The following PLCB1 variants were observed in gnomAD, a reference collection of about 807,000 sequenced individuals.
PLCB1 encodes the protein phospholipase C beta 1, also known as 1-phosphatidylinositol 4,5-bisphosphate phosphodiesterase beta-1.
In PLCB1, 46 loss-of-function variants were observed where a neutral mutation model predicts 161.8. The observed-to-expected ratio is 0.28, with a 90% confidence interval of 0.22 to 0.36. The LOEUF is 0.36. Ranked by LOEUF, PLCB1 falls within the 10% of genes least tolerant of loss-of-function variation. The pLI, the probability that PLCB1 is intolerant of heterozygous loss-of-function variation, is 1.00. For synonymous variants in PLCB1, 517 were observed against 503.7 expected (o/e 1.03, Z -0.35); for missense variants, 1,016 against 1,472.5 (o/e 0.69, Z 5.07).
intron 10 of PLCB1, among the ~76,000 whole-genome samples, chr20:8,696,141 A>T (rs138337767): frequency 2.6e-5 from 4 of 152,174 alleles, no homozygotes; most frequent in African/African-American, 9.7e-5. Context: ...TTTAGCTCTT[A>T]TATTTGTACA....
chr20:8,743,668 A>G (rs1033079902), intron 23 of PLCB1, among the ~76,000 whole-genome samples: 1 of 152,186 alleles, frequency 6.6e-6, no homozygotes, highest in African/African-American at 2.4e-5. Flanking sequence ...GAAACCAGCA[A>G]TGCTAAGTAG....
chr20:8,156,239 G>A (rs2051560422), intron 2 of PLCB1, among the ~76,000 whole-genome samples: 1 of 152,140 alleles, frequency 6.6e-6, no homozygotes, highest in African/African-American at 2.4e-5. Context: ...AAATACCACA[G>A]CTCCCTCACC....
chr20:8,136,087 A>G (rs997746335), intron 1 of PLCB1, among the ~76,000 whole-genome samples: 4 of 151,988 alleles, frequency 2.6e-5, no homozygotes, highest in Non-Finnish European at 5.9e-5. Context: ...CTGTCGCACA[A>G]CCTCTGAGGG....
rs1555808428 is a variant in PLCB1 at position 8,457,714 on chromosome 20, G to GCGCACACACACACACACA, written c.246+86265_246+86266insGCACACACACACACACAC. Among the ~76,000 whole-genome samples the GCGCACACACACACACACA allele has an allele frequency of 5.5e-5, 8 of 145,862 alleles. No homozygotes were observed. The East Asian group carries it at 1.7e-3, about 32-fold the overall frequency. ...CTACTTATACCCCTAATGTGTGCGC[G>GCGCACACACACACACACA]CACACACACACACACACACACACAC... On this transcript the variant is annotated intron_variant, in intron 3 of 31. Transcript: ENST00000338037.
In PLCB1 at chr20:8,324,142, C is replaced by T. The variant is rs75580109; in HGVS notation, c.178-47240C>T. Among the ~76,000 whole-genome samples, 932 of 151,656 alleles carry T rather than the reference C, an allele frequency of 6.1e-3. 15 individuals carry two copies. Among genetic ancestry groups the T allele is most frequent in the African/African-American group, 0.021 (854 of 41,276 alleles). Reference sequence around the variant, plus strand: ...TGTGATTAATACAGGTAAGTAAAGACGGTTTTAAAATTATGAACAGAACTT... The same window carrying T: ...TGTGATTAATACAGGTAAGTAAAGATGGTTTTAAAATTATGAACAGAACTT... On this transcript the variant is annotated intron_variant, in intron 2 of 31. Coordinates refer to ENST00000338037, the MANE Select transcript of PLCB1 (RefSeq NM_015192.4).
At chr20:8,136,618 T>A (rs1030982058) in intron 1 of PLCB1, among the ~76,000 whole-genome samples, 2 of 132,188 alleles carry the variant, frequency 1.5e-5, no homozygotes, top group African/African-American at 6.3e-5. Context: ...AGAGCAAGAC[T>A]CTGTCTCAAA....
chr20:8,208,596 C>T (rs1257561474), intron 2 of PLCB1, among the ~76,000 whole-genome samples: 3 of 37,048 alleles, frequency 8.1e-5, no homozygotes, highest in African/African-American at 1.1e-4. Context: ...AAATGTAGAG[C>T]TATGTTTAGT....
At chr20:8,576,124 C>T (rs1436961761) in intron 3 of PLCB1, among the ~76,000 whole-genome samples, 1 of 151,900 alleles carries the variant, frequency 6.6e-6, no homozygotes, top group Non-Finnish European at 1.5e-5. Context: ...AAATTATTTC[C>T]CAGGTCATCA....
intron 3 of PLCB1, among the ~76,000 whole-genome samples, chr20:8,567,232 T>C (rs893195361): frequency 4.6e-5 from 7 of 152,286 alleles, no homozygotes; most frequent in South Asian, 4.1e-4. Context: ...CCAGGGACGA[T>C]GGGCCAAGTT....
At chr20:8,311,690 C>T (rs1477600312) in intron 2 of PLCB1, among the ~76,000 whole-genome samples, 6 of 152,136 alleles carry the variant, frequency 3.9e-5, no homozygotes, top group East Asian at 1.9e-4. Flanking sequence ...ATCATAACTC[C>T]GGAGTGATCT....
chr20:8,683,178 T>C (rs1188291858), intron 9 of PLCB1, among the ~76,000 whole-genome samples: 1 of 152,034 alleles, frequency 6.6e-6, no homozygotes, highest in East Asian at 1.9e-4. Flanking sequence ...TATATGTATG[T>C]GTGTATATGC....
chr20:8,269,061 G>C (rs1982136130), intron 2 of PLCB1, among the ~76,000 whole-genome samples: 1 of 151,812 alleles, frequency 6.6e-6, no homozygotes, highest in Non-Finnish European at 1.5e-5. Context: ...TATTGATCCT[G>C]AGAATTTATG....
chr20:8,341,572 A>G (rs781249769), intron 2 of PLCB1, among the ~76,000 whole-genome samples: 110 of 152,300 alleles, frequency 7.2e-4, no homozygotes, highest in Non-Finnish European at 7.5e-4. Context: ...CATCATGGAT[A>G]TAACCCCTTT....
At chr20:8,469,843 G>A (rs773542206) in intron 3 of PLCB1, among the ~76,000 whole-genome samples, 4 of 152,090 alleles carry the variant, frequency 2.6e-5, no homozygotes, top group Non-Finnish European at 4.4e-5. Context: ...CAGCGTATTC[G>A]TAGAGTTATG....
At chr20:8,485,933 A>G (rs1391094575) in intron 3 of PLCB1, among the ~76,000 whole-genome samples, 2 of 152,188 alleles carry the variant, frequency 1.3e-5, no homozygotes, top group Non-Finnish European at 2.9e-5. Context: ...TTATAAAGGA[A>G]AGCAGTTTAA....
At chr20:8,363,918 T>G (rs1986623505) in intron 2 of PLCB1, among the ~76,000 whole-genome samples, 1 of 152,222 alleles carries the variant, frequency 6.6e-6, no homozygotes, top group Non-Finnish European at 1.5e-5. Flanking sequence ...AGATAATACA[T>G]GCAAATTTTG....
intron 2 of PLCB1, among the ~76,000 whole-genome samples, chr20:8,217,442 A>G (rs1158856308): frequency 1.3e-5 from 2 of 152,096 alleles, no homozygotes; most frequent in African/African-American, 4.8e-5. Context: ...CTCCCTGAGG[A>G]TGGAAGGAGG....
chr20:8,420,940 A>G (rs1240350179), intron 3 of PLCB1, among the ~76,000 whole-genome samples: 1 of 152,042 alleles, frequency 6.6e-6, no homozygotes, highest in Non-Finnish European at 1.5e-5. Context: ...TGTTTTAAAT[A>G]CCCTGATGGA....
At chr20:8,461,365 C>T (rs572040685) in intron 3 of PLCB1, among the ~76,000 whole-genome samples, 1 of 152,270 alleles carries the variant, frequency 6.6e-6, no homozygotes, top group East Asian at 1.9e-4. Flanking sequence ...GTAGGTGGCT[C>T]AGCCTCTACC....
Sources: gnomAD v4.1 joint callset for allele counts (sites outside exome capture counted in the v4.1 genomes callset) on GRCh38, gnomAD v4.1.1 for gene constraint, MANE v1.5 for transcripts, NCBI Gene and HGNC (gene_info 2026-07-23, HGNC 2026-07-21) for gene names.